The following ARHGEF33 variants were observed in gnomAD, a reference collection of about 807,000 sequenced individuals.
ARHGEF33 encodes Rho guanine nucleotide exchange factor 33, also known as DH and coiled-coil domain-containing protein ENSP00000381780.
A neutral mutation model predicts 101.9 loss-of-function variants in ARHGEF33; 72 were observed. The observed-to-expected ratio is 0.71, with a 90% confidence interval of 0.58 to 0.86. The LOEUF is 0.86. Among genes scored for constraint, ARHGEF33 ranks in the 40% least tolerant of loss-of-function variants. The probability of loss-of-function intolerance (pLI) is 0.00; values close to 1 mark genes in which losing one functional copy is unlikely to be tolerated. For missense variants in ARHGEF33, 1,169 were observed against 1,111.3 expected (o/e 1.05, Z -0.74); for synonymous variants, 499 against 442.5 (o/e 1.13, Z -1.60).
intron 2 of ARHGEF33, among the ~76,000 whole-genome samples, chr2:38,912,057 G>A (rs1406115077): frequency 6.6e-6 from 1 of 152,108 alleles, no homozygotes; most frequent in African/African-American, 2.4e-5. Context: ...AATATAAACT[G>A]AAAACCATGG....
Position 38,973,910 on chromosome 2 carries a change from G to A in ARHGEF33, c.*67G>A. 1.8e-6 allele frequency: 2 copies of A among 1,100,616 alleles called. No homozygotes were observed. The highest frequency in any genetic ancestry group is 2.3e-5 in the South Asian group (1 of 44,102). 68.2% of individuals were successfully genotyped at this position (1,100,616 alleles called of 1,614,324 possible). A position where few individuals can be genotyped will look rare whatever the true frequency, so the allele number is the denominator to read the frequency against. On this transcript the variant is annotated 3_prime_UTR_variant, in exon 18 of 18. Coordinates refer to ENST00000409978, the MANE Select transcript of ARHGEF33 (RefSeq NM_001145451.5). ...AAAAAGCTTGTATATATCTGTGTAGGAATATATATATATATCTATATCTAT... is the reference window on the plus strand; with the variant it reads ...AAAAAGCTTGTATATATCTGTGTAGAAATATATATATATATCTATATCTAT...
At chr2:38,939,025 T>A (rs1250264504) in intron 9 of ARHGEF33, among the ~76,000 whole-genome samples, 1 of 152,076 alleles carries the variant, frequency 6.6e-6, no homozygotes, top group African/African-American at 2.4e-5. Context: ...GAGGCTGGAG[T>A]GCAATGTCGT....
At chr2:38,934,416 C>T (rs1222537796) in intron 7 of ARHGEF33, among the ~76,000 whole-genome samples, 2 of 151,390 alleles carry the variant, frequency 1.3e-5, no homozygotes, top group East Asian at 3.9e-4. Context: ...GCCACCCTGA[C>T]ATTTTCCCTC....
chr2:38,952,898 C>T (rs535646984), intron 11 of ARHGEF33, among the ~76,000 whole-genome samples: 19 of 152,214 alleles, frequency 1.2e-4, no homozygotes, highest in South Asian at 4.2e-4. Flanking sequence ...GGGGTTTCAC[C>T]GTGTTGCCCA....
intron 16 of ARHGEF33, among the ~76,000 whole-genome samples, chr2:38,961,629 T>C (rs1054776857): frequency 1.3e-5 from 2 of 152,192 alleles, no homozygotes; most frequent in African/African-American, 4.8e-5. Context: ...CAGCAAACAC[T>C]GAGTTCTTGT....
intron 13 of ARHGEF33, 94 bp from the exon 14 acceptor site, chr2:38,956,805 A>C (rs921233336): frequency 7.2e-7 from 1 of 1,392,934 alleles, no homozygotes; most frequent in African/African-American, 1.4e-5. Flanking sequence ...AATGGCTATG[A>C]ATCTCCCACA....
intron 13 of ARHGEF33, among the ~76,000 whole-genome samples, 187 bp from the exon 14 acceptor site, chr2:38,956,712 G>T (rs1013504540): frequency 6.6e-6 from 1 of 152,172 alleles, no homozygotes; most frequent in Admixed American, 6.5e-5. Context: ...CTTATTTTCC[G>T]TTGGTATGAT....
intron 11 of ARHGEF33, 67 bp downstream of exon 11, chr2:38,951,188 C>T: frequency 6.9e-7 from 1 of 1,449,522 alleles, no homozygotes; most frequent in Non-Finnish European, 9.4e-7. Flanking sequence ...GTCTACTTCT[C>T]TTAATAGAGA....
At chr2:38,938,839 T>G (rs987621122) in intron 9 of ARHGEF33, among the ~76,000 whole-genome samples, 1 of 151,950 alleles carries the variant, frequency 6.6e-6, no homozygotes, top group Non-Finnish European at 1.5e-5. Context: ...CAGTGTACTC[T>G]TTTGTGTCTG....
At chr2:38,968,536 A>C (rs1668099591) in intron 17 of ARHGEF33, among the ~76,000 whole-genome samples, 1 of 152,120 alleles carries the variant, frequency 6.6e-6, no homozygotes, top group East Asian at 1.9e-4. Context: ...AGGACTTGCT[A>C]TGGGCTCTCC....
At chr2:38,937,648 A>G (rs1667181961) in intron 9 of ARHGEF33, 89 bp downstream of exon 9, 2 of 809,112 alleles carry the variant, frequency 2.5e-6, no homozygotes, top group East Asian at 2.7e-5. Context: ...CTTGCCGTTT[A>G]GATTCAGTGG....
At chr2:38,957,708 C>T (rs1667804037) in intron 14 of ARHGEF33, among the ~76,000 whole-genome samples, 1 of 152,160 alleles carries the variant, frequency 6.6e-6, no homozygotes, top group South Asian at 2.1e-4. Flanking sequence ...ATCCCAACTC[C>T]TGTGGAGGAG....
chr2:38,967,936 CTTTTTTTTTT>C (rs397871559), intron 17 of ARHGEF33, among the ~76,000 whole-genome samples: 27 of 96,368 alleles, frequency 2.8e-4, no homozygotes, highest in East Asian at 6.5e-4. Context: ...TTGAGCCTAT[CTTTTTTTTTT>C]TTTTTTTTTT....
chr2:38,947,938 C>A (rs929018022), intron 10 of ARHGEF33, among the ~76,000 whole-genome samples: 9 of 152,310 alleles, frequency 5.9e-5, no homozygotes, highest in African/African-American at 2.2e-4. Flanking sequence ...ACAAAAGCTA[C>A]ATTATTAACC....
chr2:38,943,837 T>G, intron 9 of ARHGEF33, 64 bp from the exon 10 acceptor site: 1 of 1,462,408 alleles, frequency 6.8e-7, no homozygotes, highest in Non-Finnish European at 9.2e-7. Context: ...TTTTATTGCT[T>G]GCATTTAATG....
chr2:38,904,668 A>G (rs1666347829), intron 2 of ARHGEF33, among the ~76,000 whole-genome samples: 1 of 148,550 alleles, frequency 6.7e-6, no homozygotes. Flanking sequence ...AGATTGCACC[A>G]CTGCACTCCA....
intron 3 of ARHGEF33, among the ~76,000 whole-genome samples, chr2:38,920,135 T>A (rs1237110328): frequency 2.6e-5 from 4 of 152,086 alleles, no homozygotes; most frequent in African/African-American, 9.7e-5. Context: ...GTTGGAGGGG[T>A]TTCCTGTACC....
chr2:38,899,502 C>T (rs1356588101), intron 2 of ARHGEF33, among the ~76,000 whole-genome samples: 1 of 151,954 alleles, frequency 6.6e-6, no homozygotes, highest in African/African-American at 2.4e-5. Context: ...TCTAAATAGT[C>T]AAACTCATGG....
chr2:38,964,554 G>C (rs573518476), intron 16 of ARHGEF33, among the ~76,000 whole-genome samples: 6 of 150,688 alleles, frequency 4.0e-5, no homozygotes, highest in Non-Finnish European at 3.0e-5. Flanking sequence ...CAAGGAGTGC[G>C]CATCCTAGAT....
Sources: gnomAD v4.1 joint callset for allele counts (sites outside exome capture counted in the v4.1 genomes callset) on GRCh38, gnomAD v4.1.1 for gene constraint, MANE v1.5 for transcripts, NCBI Gene and HGNC (gene_info 2026-07-23, HGNC 2026-07-21) for gene names.